CA10: variants seen among roughly 807,000 people sequenced by gnomAD.
The protein encoded by CA10 is carbonic anhydrase 10 (inactive).
Under a neutral mutation model 44.2 loss-of-function variants are expected in CA10, and 14 were observed. The ratio of observed to expected loss-of-function variants is 0.32; its 90% CI spans 0.21 to 0.50. CA10 has a LOEUF of 0.50. Among genes scored for constraint, CA10 ranks in the 20% least tolerant of loss-of-function variants. CA10 has a pLI of 0.99. For synonymous variants in CA10, 159 were observed against 141.6 expected (o/e 1.12, Z -0.87); for missense variants, 350 against 409.7 (o/e 0.85, Z 1.26).
intron 2 of CA10, among the ~76,000 whole-genome samples, chr17:51,933,097 A>G (rs1318050923): frequency 1.3e-5 from 2 of 152,154 alleles, no homozygotes; most frequent in Non-Finnish European, 2.9e-5. Flanking sequence ...GCCCTTGGTA[A>G]GTCATGTGTC....
chr17:51,962,873 T>G (rs898366005), intron 2 of CA10, among the ~76,000 whole-genome samples: 2 of 152,182 alleles, frequency 1.3e-5, no homozygotes, highest in African/African-American at 2.4e-5. Context: ...AAAATCTGAA[T>G]GTAGTGATGC....
intron 3 of CA10, among the ~76,000 whole-genome samples, chr17:51,821,192 C>T (rs1220253308): frequency 7.3e-6 from 1 of 137,182 alleles, no homozygotes; most frequent in Non-Finnish European, 1.5e-5. Flanking sequence ...GCTGGATATT[C>T]AGGTGCTAGA....
intron 2 of CA10, among the ~76,000 whole-genome samples, chr17:52,005,352 A>T (rs1168924495): frequency 6.6e-6 from 1 of 151,934 alleles, no homozygotes; most frequent in Non-Finnish European, 1.5e-5. Flanking sequence ...ATCTCCATTA[A>T]TTATTGATCT....
intron 1 of CA10, among the ~76,000 whole-genome samples, chr17:52,116,080 G>C (rs1702031307): frequency 7.9e-6 from 1 of 126,350 alleles, no homozygotes. Context: ...AACTCAGCGA[G>C]ACTCTGTCTC....
At chr17:51,655,907 C>T (rs1334785576) in intron 4 of CA10, among the ~76,000 whole-genome samples, 2 of 152,334 alleles carry the variant, frequency 1.3e-5, no homozygotes, top group East Asian at 3.9e-4. Flanking sequence ...ACTCTGCCAT[C>T]AGAAAGGCAA....
intron 1 of CA10, among the ~76,000 whole-genome samples, chr17:52,081,787 G>A (rs1393287913): frequency 7.6e-6 from 1 of 132,408 alleles, no homozygotes; most frequent in South Asian, 2.7e-4. Context: ...GCGACAGAGC[G>A]AGACTCCGTC....
intron 2 of CA10, among the ~76,000 whole-genome samples, chr17:52,045,166 A>G (rs1986877884): frequency 6.6e-6 from 1 of 151,686 alleles, no homozygotes; most frequent in Non-Finnish European, 1.5e-5. Flanking sequence ...GCAATATCAA[A>G]TACAGAAAAC....
At chr17:51,955,535 T>C (rs1598138062) in intron 2 of CA10, among the ~76,000 whole-genome samples, 1 of 152,146 alleles carries the variant, frequency 6.6e-6, no homozygotes, top group East Asian at 1.9e-4. Context: ...TTTTACTTTT[T>C]TCCCCTTTCT....
chr17:51,873,804 T>C (rs993927729), intron 3 of CA10, among the ~76,000 whole-genome samples: 2 of 152,190 alleles, frequency 1.3e-5, no homozygotes, highest in African/African-American at 4.8e-5. Flanking sequence ...TCCAGCCTAG[T>C]GTTTTTCTTC....
At chr17:51,813,065 A>C (rs977492333) in intron 3 of CA10, among the ~76,000 whole-genome samples, 8 of 152,230 alleles carry the variant, frequency 5.3e-5, no homozygotes, top group Non-Finnish European at 1.0e-4. Context: ...ATAATAGAAG[A>C]AGCACAGAGT....
intron 4 of CA10, among the ~76,000 whole-genome samples, chr17:51,741,329 G>A (rs948286828): frequency 6.6e-6 from 1 of 152,172 alleles, no homozygotes; most frequent in Non-Finnish European, 1.5e-5. Flanking sequence ...GCTAGGTGGG[G>A]TGCCTTCTAA....
At chr17:52,066,444 C>T (rs1415723898) in intron 2 of CA10, among the ~76,000 whole-genome samples, 2 of 152,188 alleles carry the variant, frequency 1.3e-5, no homozygotes, top group Non-Finnish European at 2.9e-5. Flanking sequence ...ACGGCAGGGC[C>T]AGGTGGAGAT....
At chr17:51,694,084 A>T (rs569312125) in intron 4 of CA10, among the ~76,000 whole-genome samples, 2 of 152,180 alleles carry the variant, frequency 1.3e-5, no homozygotes, top group African/African-American at 4.8e-5. Flanking sequence ...CATGCCTGCA[A>T]TCCTGGCTAC....
chr17:51,716,617 A>G (rs930499488), intron 4 of CA10, among the ~76,000 whole-genome samples: 2 of 152,096 alleles, frequency 1.3e-5, no homozygotes, highest in African/African-American at 4.8e-5. Flanking sequence ...ACATGGTTCA[A>G]ATACTGTCTC....
intron 3 of CA10, among the ~76,000 whole-genome samples, chr17:51,837,346 A>G (rs766314724): frequency 3.4e-4 from 52 of 152,240 alleles, no homozygotes; most frequent in Admixed American, 7.2e-4. Context: ...TACCAATTAC[A>G]GTGGGGATGA....
intron 4 of CA10, among the ~76,000 whole-genome samples, chr17:51,685,989 A>G (rs1400364295): frequency 6.6e-6 from 1 of 151,248 alleles, no homozygotes; most frequent in Non-Finnish European, 1.5e-5. Context: ...GGGGGCTAAC[A>G]CGGTTTGGCT....
intron 2 of CA10, among the ~76,000 whole-genome samples, chr17:51,994,339 G>A (rs1360330249): frequency 6.6e-6 from 1 of 151,992 alleles, no homozygotes; most frequent in African/African-American, 2.4e-5. Flanking sequence ...ACCCTACATG[G>A]TATAATGAAA....
intron 3 of CA10, among the ~76,000 whole-genome samples, chr17:51,842,066 G>T (rs575631074): frequency 4.6e-5 from 7 of 152,260 alleles, no homozygotes; most frequent in African/African-American, 1.7e-4. Context: ...AAGCAGTATG[G>T]GATTCCTGTG....
At chr17:51,719,678 G>A (rs1033507424) in intron 4 of CA10, among the ~76,000 whole-genome samples, 30 of 152,078 alleles carry the variant, frequency 2.0e-4, no homozygotes, top group African/African-American at 7.2e-4. Flanking sequence ...CTTGAGGCCA[G>A]GAGTTTGAGA....
Sources: allele counts gnomAD v4.1 joint callset (sites outside exome capture counted in the v4.1 genomes callset), GRCh38; gene constraint gnomAD v4.1.1; transcripts MANE v1.5; gene names NCBI Gene and HGNC (gene_info 2026-07-23, HGNC 2026-07-21).